Variants in DMBT1 observed in about 807,000 individuals in gnomAD.
DMBT1 encodes the protein scavenger receptor cysteine-rich domain-containing protein DMBT1.
DMBT1 carries 198 observed loss-of-function variants against 252.9 expected under a neutral mutation model. The observed-to-expected ratio is 0.78, with a 90% CI of 0.70 to 0.88. The LOEUF is 0.88. Ranked by LOEUF, DMBT1 falls within the 40% of genes least tolerant of loss-of-function variation. The pLI, the probability that DMBT1 is intolerant of heterozygous loss-of-function variation, is 0.00. For missense variants in DMBT1, 2,432 were observed against 2,404.7 expected, an observed-to-expected ratio of 1.01 and a Z score of -0.24; for synonymous variants, 990 against 942.7, an observed-to-expected ratio of 1.05 and a Z score of -0.92.
intron 1 of DMBT1, 99 bp downstream of exon 1, chr10:122,560,930 C>T (rs2097540936): frequency 2.3e-6 from 2 of 866,276 alleles, no homozygotes; most frequent in Non-Finnish European, 3.7e-6. Context: ...AGTTTTATAT[C>T]AAAGAGTGGG....
chr10:122,631,672 C>A (rs143244160), intron 49 of DMBT1, among the ~76,000 whole-genome samples, 183 bp from the exon 50 acceptor site: 1 of 151,974 alleles, frequency 6.6e-6, no homozygotes, highest in Non-Finnish European at 1.5e-5. Context: ...ACAAGTATGA[C>A]GGGACTTAGG....
chr10:122,566,008 T>C lies in DMBT1; in HGVS notation c.91+12T>C, dbSNP rs2097586698. 6.2e-7 allele frequency: 1 copy of C among 1,613,698 alleles called. No homozygotes were observed. Among genetic ancestry groups the C allele is most frequent in the African/African-American group, 1.3e-5 (1 of 74,944 alleles). On this transcript the variant is annotated intron_variant, in intron 2 of 55. Transcript: ENST00000338354. ...GACTACAGACTACGGTAAGACCTTT[T>C]CTTCACTCCTCTTCCCTGGTGGGGT...
Position 122,597,022 on chromosome 10 carries a change from C to T in DMBT1, c.2888-3C>T. The T allele has an allele frequency of 1.7e-6, 1 of 572,814 alleles. No homozygotes were observed. The highest frequency in any genetic ancestry group is 2.8e-6 in the Non-Finnish European group (1 of 353,878). The allele number at this position is 572,814 out of a possible 1,614,324, so 35.5% of individuals were successfully genotyped here. On this transcript the variant is annotated splice_region_variant and splice_polypyrimidine_tract_variant and intron_variant, in intron 23 of 55. Transcript: ENST00000338354. The stretch of plus-strand genomic sequence containing the variant: ...ATCTGATCTGACCTCCTCTTTCTCA[C>T]AGCTGCCCACTCCTGGTCGACGCCC...
intron 2 of DMBT1, 71 bp downstream of exon 2, chr10:122,566,067 G>A: frequency 6.6e-7 from 1 of 1,514,554 alleles, no homozygotes; most frequent in South Asian, 1.1e-5. Flanking sequence ...TTGGCTAGTT[G>A]AGGCTGAGCA....
rs1378358781 is a variant in DMBT1, at chr10:122,598,986, C to T, written c.3169C>T (p.Leu1057=). The T allele has an allele frequency of 6.2e-7, 1 of 1,613,648 alleles. No homozygotes were observed. The change falls in exon 26 of 56, where the codon CTG becomes TTG. Residue 1057 remains leucine (L), a synonymous_variant. Coordinates refer to ENST00000338354, the MANE Select transcript of DMBT1 (RefSeq NM_001377530.1). ...TGGTCAGGGCTCAGGACCCATTGTC[C>T]TGGATGATGTGCGCTGCTCAGGACA... is the stretch of plus-strand genomic sequence containing the variant. The part of the protein sequence containing the change: ...RFGQGSGPIV[L]DDVRCSGHES...
At chr10:122,563,711 G>C (rs1470389867) in intron 1 of DMBT1, among the ~76,000 whole-genome samples, 1 of 152,196 alleles carries the variant, frequency 6.6e-6, no homozygotes, top group Admixed American at 6.5e-5. Flanking sequence ...GAAGACTACA[G>C]ATTGGTCTCA....
chr10:122,590,774 C>G (rs1006065695), intron 18 of DMBT1, 80 bp downstream of exon 18: 3 of 1,503,298 alleles, frequency 2.0e-6, no homozygotes, highest in African/African-American at 2.7e-5. Flanking sequence ...CAGAGCCCTC[C>G]TTCTTACCTG....
rs2097815945 is a variant in DMBT1, at chr10:122,588,570, T to G, written c.1784-374T>G. Among the ~76,000 whole-genome samples the G allele has an allele frequency of 2.7e-5, 4 of 148,832 alleles. 2 individuals are homozygous for G. ...GCCAAAGCCTTGCCATCCTTGGCAATTTGCCAGAAGCCAGGGAGGACCATG... is the reference window on the plus strand; with the variant it reads ...GCCAAAGCCTTGCCATCCTTGGCAAGTTGCCAGAAGCCAGGGAGGACCATG... On this transcript the variant is annotated intron_variant, in intron 16 of 55. Transcript: ENST00000338354.
chr10:122,621,486 C>T (rs2098068334), intron 44 of DMBT1, 106 bp downstream of exon 44: 2 of 1,546,490 alleles, frequency 1.3e-6, no homozygotes, highest in South Asian at 1.2e-5. Flanking sequence ...CCTGTGTTTC[C>T]TGTGTTTTTG....
rs369315785 is a variant in DMBT1 at position 122,560,795 on chromosome 10, G to C, written c.25G>C (p.Glu9Gln). ...AATGGGGATCTCCACAGTCATCCTT[G>C]AAATGTGTCTTTTATGGGGACAAGT... The part of the protein sequence containing the change: MGISTVIL[E>Q]MCLLWGQVLS... The change falls in exon 1 of 56, where the codon GAA becomes CAA. Residue 9 changes from glutamate to glutamine, a missense_variant. By Grantham distance (29) the Glu-to-Gln change is conservative (BLOSUM62 2). Around this residue, in one of 3 missense-constraint regions of DMBT1, gnomAD observed 1,264 missense variants for 1,082.2 expected, o/e 1.17. Transcript: ENST00000338354. 2.5e-6 allele frequency: 4 copies of C among 1,574,706 alleles called. No homozygotes were observed. The highest frequency in any genetic ancestry group is 3.5e-6 in the Non-Finnish European group (4 of 1,158,144).
chr10:122,585,345 C>G, intron 15 of DMBT1, 36 bp downstream of exon 15: 3 of 1,574,928 alleles, frequency 1.9e-6, no homozygotes, highest in Non-Finnish European at 2.6e-6. Flanking sequence ...AGGGCTCACT[C>G]TCTACCTCTG....
intron 44 of DMBT1, among the ~76,000 whole-genome samples, chr10:122,625,004 G>T (rs1334834777): frequency 1.3e-5 from 2 of 152,188 alleles, no homozygotes; most frequent in African/African-American, 4.8e-5. Flanking sequence ...AATGTTGTTG[G>T]CGTCTTTGAA....
At chr10:122,643,008 T>G in intron 55 of DMBT1, 114 bp from the exon 56 acceptor site, 1 of 1,385,144 alleles carries the variant, frequency 7.2e-7, no homozygotes, top group East Asian at 2.3e-5. Context: ...AGGTGAGGTG[T>G]GCAGGAGGCA....
rs759038747 is a variant in DMBT1 at position 122,579,752 on chromosome 10, G to T, written c.854G>T (p.Gly285Val). ...LGCGWAMSAPGNAQFGQGSGP... is the reference protein window; with the variant it reads ...LGCGWAMSAPVNAQFGQGSGP... ...TGTGGCTGGGCCATGTCAGCCCCAG[G>T]AAATGCCCAGTTTGGCCAGGGCTCA... is the stretch of plus-strand genomic sequence containing the variant. The change falls in exon 10 of 56, where the codon GGA (glycine) becomes GTA (valine). Residue 285 changes from glycine to valine, a missense_variant. Physicochemically the swap from Gly to Val is moderately radical, Grantham distance 109. This residue lies in a region of DMBT1 where 1,264 missense variants were observed against 1,082.2 expected (regional missense o/e 1.17). Transcript: ENST00000338354. 9.5e-5 allele frequency: 154 copies of T among 1,613,698 alleles called. No homozygotes were observed. Among genetic ancestry groups the T allele is most frequent in the Non-Finnish European group, 1.9e-5 (22 of 1,179,774 alleles).
At position 122,593,509 on chromosome 10, in the gene DMBT1, C is replaced by G. The variant is rs2097869509; in HGVS notation, c.2501-60C>G. 2.6e-6 allele frequency: 4 copies of G among 1,539,990 alleles called. 1 individual carries two copies. The highest frequency in any genetic ancestry group is 3.6e-6 in the Non-Finnish European group (4 of 1,122,882). On this transcript the variant is annotated intron_variant, in intron 20 of 55. Coordinates refer to ENST00000338354, the MANE Select transcript of DMBT1 (RefSeq NM_001377530.1). ...TCGCTCATTTCTTTCCCTCCTCGTTCCAGTTTTGCCGACTTCTGTGTAATG... is the reference window on the plus strand; with the variant it reads ...TCGCTCATTTCTTTCCCTCCTCGTTGCAGTTTTGCCGACTTCTGTGTAATG...
intron 42 of DMBT1, among the ~76,000 whole-genome samples, chr10:122,619,803 G>C (rs763419130): frequency 3.1e-4 from 47 of 152,196 alleles, no homozygotes; most frequent in Admixed American, 1.2e-3. Context: ...ATTTTGCAAG[G>C]CCATATCTGC....
At chr10:122,623,710 CAG>C (rs1440830320) in intron 44 of DMBT1, among the ~76,000 whole-genome samples, 1 of 152,134 alleles carries the variant, frequency 6.6e-6, no homozygotes, top group Non-Finnish European at 1.5e-5. Context: ...CTTGGGAGAA[CAG>C]GGGCTTCATT....
At chr10:122,580,758 C>A in intron 10 of DMBT1, 108 bp from the exon 11 acceptor site, 2 of 1,443,298 alleles carry the variant, frequency 1.4e-6, no homozygotes, top group Non-Finnish European at 1.9e-6. Flanking sequence ...GTGATAGGAA[C>A]TAGGATGGAC....
At chr10:122,572,871 A>G (rs3116704) in intron 5 of DMBT1, among the ~76,000 whole-genome samples, 103,983 of 151,208 alleles carry the variant, frequency 0.69, 36,118 homozygotes, top group East Asian at 0.78. Context: ...ATCAACATCA[A>G]ATTGAGGAGG....
Sources: gnomAD v4.1 joint callset for allele counts (sites outside exome capture counted in the v4.1 genomes callset) on GRCh38, gnomAD v4.1.1 for gene constraint, gnomAD v4.1.1 regional missense constraint, MANE v1.5 for transcripts, NCBI Gene and HGNC (gene_info 2026-07-23, HGNC 2026-07-21) for gene names.